Variants in CACNA1A observed in about 807,000 individuals in gnomAD.
The protein encoded by CACNA1A is voltage-dependent P/Q-type calcium channel subunit alpha-1A.
Under a neutral mutation model 262.4 loss-of-function variants are expected in CACNA1A, and 57 were observed. That is an observed-to-expected ratio of 0.22 (90% CI 0.18 to 0.27). CACNA1A has a LOEUF of 0.27. Ranked by LOEUF, CACNA1A falls within the 10% of genes least tolerant of loss-of-function variation. The pLI, the probability that CACNA1A is intolerant of heterozygous loss-of-function variation, is 1.00. For synonymous variants in CACNA1A, 1,431 were observed against 1,419.3 expected, an observed-to-expected ratio of 1.01 and a Z score of -0.18; for missense variants, 2,526 against 3,562.8, an observed-to-expected ratio of 0.71 and a Z score of 7.41.
intron 6 of CACNA1A, among the ~76,000 whole-genome samples, chr19:13,357,431 A>C (rs939161698): frequency 2.0e-5 from 3 of 152,226 alleles, no homozygotes; most frequent in Admixed American, 1.3e-4. Flanking sequence ...CCGCTGGCCT[A>C]AACTTCAATG....
chr19:13,361,143 T>C (rs1317101296), intron 5 of CACNA1A, among the ~76,000 whole-genome samples: 1 of 152,144 alleles, frequency 6.6e-6, no homozygotes, highest in Non-Finnish European at 1.5e-5. Flanking sequence ...GGAGCTGTTC[T>C]GGGGGTGAGG....
chr19:13,376,279 C>T (rs1263580922), intron 3 of CACNA1A, among the ~76,000 whole-genome samples: 1 of 152,088 alleles, frequency 6.6e-6, no homozygotes, highest in Non-Finnish European at 1.5e-5. Context: ...ACTTTCATAG[C>T]TAGAGAGGAG....
Position 13,317,254 on chromosome 19 carries a change from C to T in CACNA1A, c.1413G>A (p.Lys471=), listed in dbSNP as rs369920914. ...GGATGTAGAAACGCATCCTCCTCTC[C>T]TTTTTGTGAAAAAAGGTCGAGTTCT... ...KLENSTFFHK[K]ERRMRFYIRR... The change falls in exon 11 of 47, where the codon AAG becomes AAA. Residue 471 remains lysine, a synonymous_variant. Coordinates refer to ENST00000360228, the MANE Select transcript of CACNA1A (RefSeq NM_001127222.2). 4 of 1,613,188 alleles carry T rather than the reference C, an allele frequency of 2.5e-6. No homozygotes were observed. Among genetic ancestry groups the T allele is most frequent in the Non-Finnish European group, 3.4e-6 (4 of 1,179,266 alleles).
chr19:13,235,306 C>T, intron 32 of CACNA1A, 32 bp from the exon 33 acceptor site: 1 of 1,550,330 alleles, frequency 6.5e-7, no homozygotes, highest in Non-Finnish European at 8.8e-7. Flanking sequence ...AAGAAGAGTG[C>T]TGGGGGTCCC....
chr19:13,279,705 G>C (rs1178090706), intron 22 of CACNA1A, among the ~76,000 whole-genome samples: 1 of 151,974 alleles, frequency 6.6e-6, no homozygotes, highest in South Asian at 2.1e-4. Context: ...GTCTGGTCTC[G>C]AACTCCTGAC....
At position 13,258,271 on chromosome 19, in the gene CACNA1A, G is replaced by A. The variant is rs533769595; in HGVS notation, c.4389-720C>T. 2.6e-5 allele frequency: 4 copies of A among 152,414 alleles called. No individual in the cohort carries two copies. The South Asian group carries it at 8.3e-4, about 32-fold the overall frequency. 9.4% of individuals were successfully genotyped at this position (152,414 alleles called of 1,614,324 possible). On this transcript the variant is annotated intron_variant, in intron 27 of 46. Transcript: ENST00000360228. The stretch of plus-strand genomic sequence containing the variant: ...AGGTTGTGGCAATGGAGGGAGTAGA[G>A]GTGGGTGTATGCATGTAGAGTGGGT...
At chr19:13,238,507 A>G (rs2055955191) in intron 31 of CACNA1A, among the ~76,000 whole-genome samples, 1 of 151,866 alleles carries the variant, frequency 6.6e-6, no homozygotes, top group Non-Finnish European at 1.5e-5. Context: ...GGGATGTCCT[A>G]AAGGCACCTC....
Position 13,253,084 on chromosome 19 carries a change from A to G in CACNA1A, c.4773T>C (p.Val1591=). 2 of 1,612,560 alleles carry G rather than the reference A, an allele frequency of 1.2e-6. No individual in the cohort carries two copies. Among genetic ancestry groups the G allele is most frequent in the South Asian group, 2.2e-5 (2 of 91,044 alleles). ...ACACCCGCAGGGCATTTTCATAAGC[A>G]ACAGAAGCCCCATAGAACTAGGGGA... ...VLMMKFYGAS[V]AYENALRVFN... Residue 1591 remains valine, a synonymous_variant, in exon 30 of 47, where the codon GTT becomes GTC. Coordinates refer to ENST00000360228, the MANE Select transcript of CACNA1A (RefSeq NM_001127222.2).
intron 3 of CACNA1A, among the ~76,000 whole-genome samples, chr19:13,438,766 C>A (rs914859278): frequency 1.3e-5 from 2 of 151,990 alleles, no homozygotes; most frequent in African/African-American, 4.8e-5. Flanking sequence ...GTTACACAGC[C>A]GTATTATGGC....
At chr19:13,297,708 T>G (rs1054628193) in intron 19 of CACNA1A, among the ~76,000 whole-genome samples, 1 of 152,020 alleles carries the variant, frequency 6.6e-6, no homozygotes, top group South Asian at 2.1e-4. Context: ...TCCCAGCTAC[T>G]TGTGAGGCTG....
rs2054622648 is a variant in CACNA1A at position 13,207,853 on chromosome 19, C to T, written c.6981G>A (p.Val2327=). 2.7e-6 allele frequency: 4 copies of T among 1,458,266 alleles called. No homozygotes were observed. Among genetic ancestry groups the T allele is most frequent in the African/African-American group, 1.7e-5 (1 of 59,762 alleles). The allele number at this position is 1,458,266 out of a possible 1,614,324, so 90.3% of individuals were successfully genotyped here. A position where few individuals can be genotyped will look rare whatever the true frequency, so the allele number is the denominator to read the frequency against. The change falls in exon 47 of 47, where the codon GTG becomes GTA. Residue 2327 remains valine, a synonymous_variant. Transcript: ENST00000360228. The surrounding 1 kb of genome is among the most constrained non-coding windows in gnomAD (Gnocchi z 5.7). ...TGGTGGCCGCCCGGCCCGGCCTGGC[C>T]ACCGCCTGCTGCTGCTGCTGCTGCT... ...QQQQQQQQQA[V]ARPGRAATSG... is the part of the protein sequence containing the mutation.
At chr19:13,208,548 T>TG (rs1286882101) in intron 46 of CACNA1A, among the ~76,000 whole-genome samples, 1 of 72,516 alleles carries the variant, frequency 1.4e-5, no homozygotes, top group Non-Finnish European at 2.9e-5. Context: ...GCAAGGGGGC[T>TG]GGGGGGACAG....
intron 3 of CACNA1A, among the ~76,000 whole-genome samples, chr19:13,449,511 A>G (rs115258130): frequency 0.02 from 3,086 of 152,200 alleles, 112 homozygotes; most frequent in African/African-American, 0.07. Flanking sequence ...GGGTTTCACT[A>G]CATTGGCCAG....
At chr19:13,278,757 G>C (rs1009566937) in intron 22 of CACNA1A, among the ~76,000 whole-genome samples, 1 of 152,186 alleles carries the variant, frequency 6.6e-6, no homozygotes, top group Non-Finnish European at 1.5e-5. Flanking sequence ...CAACAGTTGG[G>C]GCTGTACTGG....
chr19:13,487,753 T>G (rs1187088122), intron 1 of CACNA1A, among the ~76,000 whole-genome samples: 2 of 152,090 alleles, frequency 1.3e-5, no homozygotes, highest in South Asian at 4.2e-4. Flanking sequence ...AAATTCATGC[T>G]TATTACACAG....
chr19:13,421,241 A>G (rs1315001206), intron 3 of CACNA1A, among the ~76,000 whole-genome samples: 1 of 152,112 alleles, frequency 6.6e-6, no homozygotes, highest in Non-Finnish European at 1.5e-5. Flanking sequence ...TATAGGAGAG[A>G]AATTATTTTT....
chr19:13,488,356 G>A (rs1980286403), intron 1 of CACNA1A, among the ~76,000 whole-genome samples: 1 of 150,868 alleles, frequency 6.6e-6, no homozygotes. Context: ...TGTGGGGGTG[G>A]AGCTTGGGGC....
intron 19 of CACNA1A, among the ~76,000 whole-genome samples, chr19:13,294,993 T>C (rs966536476): frequency 6.6e-6 from 1 of 152,208 alleles, no homozygotes; most frequent in African/African-American, 2.4e-5. Flanking sequence ...CCCAGGGCCT[T>C]TGCACATGCT....
chr19:13,360,320 C>CAGAGAACG (rs2059083715), intron 5 of CACNA1A, among the ~76,000 whole-genome samples: 1 of 145,330 alleles, frequency 6.9e-6, no homozygotes, highest in African/African-American at 2.5e-5. Flanking sequence ...AGGGAGAGAA[C>CAGAGAACG]GGGGGGAGAG....
Sources: allele counts gnomAD v4.1 joint callset (sites outside exome capture counted in the v4.1 genomes callset), GRCh38; gene constraint gnomAD v4.1.1; non-coding constraint Gnocchi (gnomAD v3.1); transcripts MANE v1.5; gene names NCBI Gene and HGNC (gene_info 2026-07-23, HGNC 2026-07-21).